Variants in EML4 observed in about 807,000 individuals in gnomAD.
The protein encoded by EML4 is echinoderm microtubule-associated protein-like 4.
EML4 carries 72 observed loss-of-function variants against 129.0 expected under a neutral mutation model. The ratio of observed to expected loss-of-function variants is 0.56; its 90% CI spans 0.46 to 0.68. EML4 has a LOEUF of 0.68. Ranked by LOEUF, EML4 falls within the 30% of genes least tolerant of loss-of-function variation. The pLI, the probability that EML4 is intolerant of heterozygous loss-of-function variation, is 0.00. For missense variants in EML4, 1,363 were observed against 1,190.6 expected, an observed-to-expected ratio of 1.14 and a Z score of -2.13; for synonymous variants, 532 against 405.0, an observed-to-expected ratio of 1.31 and a Z score of -3.77.
chr2:42,227,470 AG>A, intron 1 of EML4, among the ~76,000 whole-genome samples: 1 of 140,462 alleles, frequency 7.1e-6, no homozygotes, highest in East Asian at 2.0e-4. Flanking sequence ...GAGCCTGTTA[AG>A]GCTTTTTTTT....
At chr2:42,199,241 T>A (rs1323771875) in intron 1 of EML4, among the ~76,000 whole-genome samples, 2 of 152,150 alleles carry the variant, frequency 1.3e-5, no homozygotes, top group Non-Finnish European at 2.9e-5. Flanking sequence ...AGCGAGTGGT[T>A]ATAGAGGTGG....
At chr2:42,301,178 A>G (rs1035175573) in intron 13 of EML4, 63 bp from the exon 14 acceptor site, 11 of 1,455,752 alleles carry the variant, frequency 7.6e-6, no homozygotes, top group Middle Eastern at 1.8e-4. Flanking sequence ...TTTTCTTCCA[A>G]ATAGACACTA....
At chr2:42,286,183 T>C in intron 9 of EML4, 86 bp from the exon 10 acceptor site, 1 of 815,760 alleles carries the variant, frequency 1.2e-6, no homozygotes. Flanking sequence ...TCCCTATTAC[T>C]TTTTTAAATG....
intron 6 of EML4, among the ~76,000 whole-genome samples, chr2:42,274,359 A>G (rs1666536981): frequency 6.6e-6 from 1 of 152,254 alleles, no homozygotes; most frequent in African/African-American, 2.4e-5. Flanking sequence ...AAGGCTTTCT[A>G]CAGGTAGTAC....
intron 1 of EML4, among the ~76,000 whole-genome samples, chr2:42,198,639 A>C (rs1057435971): frequency 1.3e-5 from 2 of 152,206 alleles, no homozygotes; most frequent in African/African-American, 4.8e-5. Flanking sequence ...TTCTCTTTGA[A>C]AGAGGAAGTG....
At chr2:42,233,002 G>A (rs540588300) in intron 1 of EML4, among the ~76,000 whole-genome samples, 3 of 152,232 alleles carry the variant, frequency 2.0e-5, no homozygotes, top group Admixed American at 2.0e-4. Flanking sequence ...GATTACAGGT[G>A]TGAGCCGCTG....
intron 1 of EML4, among the ~76,000 whole-genome samples, chr2:42,226,023 G>A (rs1286027618): frequency 4.6e-5 from 7 of 151,816 alleles, no homozygotes. Flanking sequence ...AATAACAAAT[G>A]AGCTCTAATT....
chr2:42,235,449 C>A (rs1444074417), intron 1 of EML4, among the ~76,000 whole-genome samples: 1 of 152,120 alleles, frequency 6.6e-6, no homozygotes, highest in African/African-American at 2.4e-5. Flanking sequence ...GGCAACAGAG[C>A]CAGACTGTGT....
At chr2:42,210,495 T>G (rs1211528295) in intron 1 of EML4, among the ~76,000 whole-genome samples, 1 of 152,212 alleles carries the variant, frequency 6.6e-6, no homozygotes, top group Admixed American at 6.5e-5. Context: ...AAAATTACTT[T>G]TCCCAACCCC....
At chr2:42,256,109 A>G (rs764897439) in intron 2 of EML4, among the ~76,000 whole-genome samples, 1 of 152,154 alleles carries the variant, frequency 6.6e-6, no homozygotes, top group African/African-American at 2.4e-5. Context: ...TTTAATATTT[A>G]TGGTTTCTAG....
chr2:42,190,116 G>C (rs1671500775), intron 1 of EML4, among the ~76,000 whole-genome samples: 1 of 152,090 alleles, frequency 6.6e-6, no homozygotes, highest in East Asian at 1.9e-4. Flanking sequence ...AATATTCCTT[G>C]AGAAAATTAT....
intron 17 of EML4, among the ~76,000 whole-genome samples, chr2:42,315,405 C>T (rs1465419794): frequency 6.6e-6 from 1 of 152,106 alleles, no homozygotes; most frequent in African/African-American, 2.4e-5. Context: ...CAGTGCCTAG[C>T]AAAGAGACAG....
rs559585428 is a variant in EML4 at position 42,222,180 on chromosome 2, G to T, written c.26-23325G>T. ...AAAATTACATTTTCATTTGAGAGGA[G>T]ATAGTTTTTAAAATTATTTTATATA... On this transcript the variant is annotated intron_variant, in intron 1 of 22. Transcript: ENST00000318522. 2.2e-3 allele frequency among the ~76,000 whole-genome samples: 336 copies of T among 152,204 alleles called. 2 individuals are homozygous for T. The highest frequency in any genetic ancestry group is 3.9e-3 in the Non-Finnish European group (267 of 67,992).
At chr2:42,180,786 A>G (rs533732506) in intron 1 of EML4, among the ~76,000 whole-genome samples, 1 of 152,354 alleles carries the variant, frequency 6.6e-6, no homozygotes, top group South Asian at 2.1e-4. Flanking sequence ...AATTGTCTCA[A>G]TAATGTCTTT....
At chr2:42,292,854 A>G (rs1170504949) in intron 11 of EML4, among the ~76,000 whole-genome samples, 4 of 152,212 alleles carry the variant, frequency 2.6e-5, no homozygotes, top group African/African-American at 7.2e-5. Context: ...TTCAGTTTAT[A>G]TCTTGACTGT....
intron 1 of EML4, among the ~76,000 whole-genome samples, chr2:42,221,348 C>G (rs1673579960): frequency 6.8e-6 from 1 of 148,064 alleles, no homozygotes; most frequent in South Asian, 2.1e-4. Context: ...TGTGTATGCT[C>G]TAGAAATGGA....
intron 6 of EML4, among the ~76,000 whole-genome samples, chr2:42,277,400 A>G (rs1474746351): frequency 2.0e-5 from 3 of 152,216 alleles, no homozygotes; most frequent in Non-Finnish European, 4.4e-5. Context: ...AAAAATCATC[A>G]GGAAGCAGAG....
chr2:42,302,198 C>G (rs1282440247), intron 14 of EML4, among the ~76,000 whole-genome samples: 2 of 152,016 alleles, frequency 1.3e-5, no homozygotes, highest in Non-Finnish European at 2.9e-5. Flanking sequence ...CAGAGAACTT[C>G]CACATTACAT....
chr2:42,252,057 A>C (rs1342552695), intron 2 of EML4, among the ~76,000 whole-genome samples: 3 of 152,242 alleles, frequency 2.0e-5, no homozygotes, highest in Non-Finnish European at 4.4e-5. Flanking sequence ...TTACAGTTTT[A>C]GAGAGACAGA....
Sources: allele counts gnomAD v4.1 joint callset (sites outside exome capture counted in the v4.1 genomes callset), GRCh38; gene constraint gnomAD v4.1.1; transcripts MANE v1.5; gene names NCBI Gene and HGNC (gene_info 2026-07-23, HGNC 2026-07-21).